The following UBTD1 variants were observed in gnomAD, a reference collection of about 807,000 sequenced individuals.
The protein encoded by UBTD1 is ubiquitin domain-containing protein 1.
Under a neutral mutation model 21.7 loss-of-function variants are expected in UBTD1, and 19 were observed. The ratio of observed to expected loss-of-function variants is 0.87; its 90% confidence interval spans 0.61 to 1.28. The LOEUF is 1.28. UBTD1 is among the 50% of genes most tolerant of loss of function. The probability of loss-of-function intolerance (pLI) is 0.00; values close to 1 mark genes in which losing one functional copy is unlikely to be tolerated. For synonymous variants in UBTD1, 116 were observed against 135.1 expected (o/e 0.86, Z 0.98); for missense variants, 282 against 315.1 (o/e 0.89, Z 0.80).
At chr10:97,560,846 A>G (rs1408995835) in intron 1 of UBTD1, among the ~76,000 whole-genome samples, 1 of 152,160 alleles carries the variant, frequency 6.6e-6, no homozygotes, top group Non-Finnish European at 1.5e-5. Context: ...AAAACAAAAA[A>G]CAGGTAAAAA....
intron 1 of UBTD1, among the ~76,000 whole-genome samples, chr10:97,547,130 A>G (rs1050027439): frequency 1.3e-5 from 2 of 152,202 alleles, no homozygotes; most frequent in Admixed American, 6.5e-5. Flanking sequence ...GTTGACACCC[A>G]GTGGGACAGA....
Position 97,570,601 on chromosome 10 carries a change from A to G in UBTD1, c.*78A>G. 1.3e-6 allele frequency: 2 copies of G among 1,501,236 alleles called. No homozygotes were observed. The highest frequency in any genetic ancestry group is 1.8e-6 in the Non-Finnish European group (2 of 1,113,680). 93.0% of individuals were successfully genotyped at this position (1,501,236 alleles called of 1,614,324 possible). A position where few individuals can be genotyped will look rare whatever the true frequency, so the allele number is the denominator to read the frequency against. ...CCTGCTGCTGCCTTCCAGTGCTGTC[A>G]TTTTCTTCAGGGGCCCTCCCCTCGG... On this transcript the variant is annotated 3_prime_UTR_variant, in exon 3 of 3. Coordinates refer to ENST00000370664, the MANE Select transcript of UBTD1 (RefSeq NM_024954.5). The surrounding 1 kb of genome is among the most constrained non-coding windows in gnomAD (Gnocchi z 6.6).
intron 1 of UBTD1, among the ~76,000 whole-genome samples, chr10:97,527,213 C>T (rs956490770): frequency 6.9e-6 from 1 of 144,370 alleles, no homozygotes; most frequent in Non-Finnish European, 1.5e-5. Context: ...TGGCAGGCTG[C>T]GGTGGCTTAT....
At chr10:97,520,166 T>C (rs2040460985) in intron 1 of UBTD1, among the ~76,000 whole-genome samples, 1 of 152,192 alleles carries the variant, frequency 6.6e-6, no homozygotes, top group South Asian at 2.1e-4. Flanking sequence ...ACTGTGGTGA[T>C]TATGTGGGAT....
At chr10:97,534,719 G>T (rs2040551977) in intron 1 of UBTD1, among the ~76,000 whole-genome samples, 1 of 152,108 alleles carries the variant, frequency 6.6e-6, no homozygotes, top group South Asian at 2.1e-4. Context: ...TGTTCCTCCA[G>T]ATTTTTTCCC....
At chr10:97,538,503 T>G (rs2040573427) in intron 1 of UBTD1, among the ~76,000 whole-genome samples, 1 of 152,182 alleles carries the variant, frequency 6.6e-6, no homozygotes, top group South Asian at 2.1e-4. Flanking sequence ...CTGAGAAAAC[T>G]AAGAGGGATC....
At chr10:97,516,648 G>A (rs544949681) in intron 1 of UBTD1, among the ~76,000 whole-genome samples, 14 of 152,246 alleles carry the variant, frequency 9.2e-5, no homozygotes, top group South Asian at 8.3e-4. Flanking sequence ...GGTGGCAGGC[G>A]CCTGTAGTTC....
intron 1 of UBTD1, among the ~76,000 whole-genome samples, chr10:97,550,065 C>T (rs1054494429): frequency 3.9e-5 from 6 of 152,228 alleles, no homozygotes; most frequent in African/African-American, 1.2e-4. Context: ...AGATTCGAGT[C>T]TGTATCCTGG....
intron 1 of UBTD1, among the ~76,000 whole-genome samples, chr10:97,522,316 G>GT (rs1192878023): frequency 6.6e-6 from 1 of 152,250 alleles, no homozygotes; most frequent in Non-Finnish European, 1.5e-5. Context: ...TGTAGAGTGA[G>GT]TGCCTGTGCC....
intron 1 of UBTD1, among the ~76,000 whole-genome samples, chr10:97,507,799 A>G (rs924788261): frequency 8.8e-5 from 13 of 148,170 alleles, no homozygotes; most frequent in South Asian, 2.2e-4. Flanking sequence ...AAAAAAAAAA[A>G]AGAGAGGAAC....
At chr10:97,536,288 G>A (rs575105284) in intron 1 of UBTD1, among the ~76,000 whole-genome samples, 4 of 152,174 alleles carry the variant, frequency 2.6e-5, no homozygotes, top group Admixed American at 6.5e-5. Context: ...CACCACACCC[G>A]GCCAGGAGAG....
chr10:97,507,371 C>G (rs1434007736), intron 1 of UBTD1, among the ~76,000 whole-genome samples: 1 of 151,578 alleles, frequency 6.6e-6, no homozygotes, highest in Non-Finnish European at 1.5e-5. Context: ...GCATGGTGGC[C>G]TACACCTATA....
Position 97,551,878 on chromosome 10 carries a change from C to A in UBTD1, c.71-16036C>A, listed in dbSNP as rs181951064. ...ATCGGTAACTGCCAATGAAATATAA[C>A]CACTGTTTACATTTTGATATAAATT... On this transcript the variant is annotated intron_variant, in intron 1 of 2. Transcript: ENST00000370664. Among the ~76,000 whole-genome samples, 17 of 152,272 alleles carry A rather than the reference C, an allele frequency of 1.1e-4. No individual in the cohort carries two copies. The East Asian group carries it at 2.3e-3, about 21-fold the overall frequency.
At chr10:97,524,060 C>T (rs1160817777) in intron 1 of UBTD1, among the ~76,000 whole-genome samples, 1 of 152,162 alleles carries the variant, frequency 6.6e-6, no homozygotes, top group Non-Finnish European at 1.5e-5. Context: ...GCTTTTAAAC[C>T]TGCCATGGGC....
chr10:97,511,848 A>C (rs1325053952), intron 1 of UBTD1, among the ~76,000 whole-genome samples: 1 of 152,184 alleles, frequency 6.6e-6, no homozygotes, highest in Admixed American at 6.5e-5. Context: ...CACTGTTTAC[A>C]GTTTTCACAT....
At chr10:97,531,095 G>C (rs923954735) in intron 1 of UBTD1, among the ~76,000 whole-genome samples, 22 of 151,896 alleles carry the variant, frequency 1.4e-4, no homozygotes, top group African/African-American at 5.1e-4. Context: ...CACCTTGTTA[G>C]CCAGGATGGT....
Position 97,534,577 on chromosome 10 carries a change from GCGCA to G in UBTD1, c.71-33335_71-33332del, listed in dbSNP as rs1481978808. 6.0e-3 allele frequency among the ~76,000 whole-genome samples: 529 copies of G among 88,506 alleles called. 2 individuals are homozygous for G. Among genetic ancestry groups the G allele is most frequent in the African/African-American group, 0.014 (498 of 35,004 alleles). 58.1% of individuals were successfully genotyped at this position (88,506 alleles called of 152,430 possible). Reference sequence around the variant, plus strand: ...GGCACTAAGGAACACACACGCGCGCGCGCACACACACACACACACACACACACAC... The same window carrying G: ...GGCACTAAGGAACACACACGCGCGCGCACACACACACACACACACACACAC... On this transcript the variant is annotated intron_variant, in intron 1 of 2. Transcript: ENST00000370664.
intron 1 of UBTD1, among the ~76,000 whole-genome samples, chr10:97,513,241 A>G (rs1564735596): frequency 6.6e-6 from 1 of 152,240 alleles, no homozygotes; most frequent in Non-Finnish European, 1.5e-5. Flanking sequence ...CATATTATAC[A>G]TGTATATCTC....
chr10:97,517,568 C>G (rs759069964), intron 1 of UBTD1, among the ~76,000 whole-genome samples: 44 of 152,136 alleles, frequency 2.9e-4, no homozygotes, highest in Non-Finnish European at 1.0e-4. Context: ...TGGGAAGTCT[C>G]GTGCGGATGC....
Sources: gnomAD v4.1 joint callset for allele counts (sites outside exome capture counted in the v4.1 genomes callset) on GRCh38, gnomAD v4.1.1 for gene constraint, Gnocchi (gnomAD v3.1) non-coding constraint, MANE v1.5 for transcripts, NCBI Gene and HGNC (gene_info 2026-07-23, HGNC 2026-07-21) for gene names.